Variants in KCNQ1 observed in about 807,000 individuals in gnomAD.
KCNQ1 encodes the protein potassium voltage-gated channel subfamily KQT member 1.
Under a neutral mutation model 72.4 loss-of-function variants are expected in KCNQ1, and 49 were observed. The ratio of observed to expected loss-of-function variants is 0.68; its 90% CI spans 0.54 to 0.86. The LOEUF (loss-of-function observed/expected upper bound fraction) is 0.86, where lower values mean the gene tolerates loss of function less well. KCNQ1 is among the 40% of genes least tolerant of loss of function. KCNQ1 has a pLI of 0.00. For missense variants in KCNQ1, 790 were observed against 945.1 expected, an observed-to-expected ratio of 0.84 and a Z score of 2.15; for synonymous variants, 450 against 412.6, an observed-to-expected ratio of 1.09 and a Z score of -1.10.
rs1846223894 is a variant in KCNQ1 at position 2,458,202 on chromosome 11, G to A, written c.386+12718G>A. Among the ~76,000 whole-genome samples the A allele has an allele frequency of 6.6e-6, 1 of 152,118 alleles. No individual in the cohort carries two copies. The highest frequency in any genetic ancestry group is 1.5e-5 in the Non-Finnish European group (1 of 68,036). On this transcript the variant is annotated intron_variant, in intron 1 of 15. Transcript: ENST00000155840. This position sits in a 1 kb window ranked among gnomAD's most constrained non-coding sequence, Gnocchi z 4.6. ...CCCAAGCTGAAGATGCAGTGGGTAA[G>A]CCTCACTGAAAATAACAGAGGAAGT...
chr11:2,646,800 G>A, intron 10 of KCNQ1: 1 of 398,550 alleles, frequency 2.5e-6, no homozygotes, highest in Non-Finnish European at 4.4e-6. Flanking sequence ...ACAAGCATGA[G>A]CCATCATGTC....
chr11:2,685,638 G>C (rs947092480), intron 11 of KCNQ1: 5 of 398,624 alleles, frequency 1.3e-5, no homozygotes, highest in Admixed American at 4.4e-5. Context: ...TCAGGGTTGA[G>C]GGGACAAGCC....
intron 15 of KCNQ1, among the ~76,000 whole-genome samples, chr11:2,845,215 C>T (rs926850326): frequency 1.3e-5 from 2 of 152,238 alleles, no homozygotes; most frequent in African/African-American, 4.8e-5. Flanking sequence ...GGCCCCGCCC[C>T]ACCCTGCCCT....
rs527321014 is a variant in KCNQ1, at chr11:2,621,763, T to C, written c.1393+32909T>C. On this transcript the variant is annotated intron_variant, in intron 10 of 15. Transcript: ENST00000155840. This position sits in a 1 kb window ranked among gnomAD's most constrained non-coding sequence, Gnocchi z 5.7. ...TTTTCATTTCTGATTTTGTCCTCTT[T>C]CTTAGTCCAAGAGTTTGTTGATTTT... is the stretch of plus-strand genomic sequence containing the variant. The C allele has an allele frequency of 6.0e-4, 238 of 398,390 alleles. 2 individuals carry two copies. The Admixed American group carries it at 0.01, about 17-fold the overall frequency. 24.7% of individuals were successfully genotyped at this position (398,390 alleles called of 1,614,324 possible).
chr11:2,561,216 GAAAA>G (rs956329782), intron 2 of KCNQ1, among the ~76,000 whole-genome samples: 1 of 148,738 alleles, frequency 6.7e-6, no homozygotes. Context: ...AAAAAAAAAA[GAAAA>G]AAAGAAAAAA....
At chr11:2,575,167 C>T (rs1047023204) in intron 6 of KCNQ1, among the ~76,000 whole-genome samples, 3 of 152,194 alleles carry the variant, frequency 2.0e-5, no homozygotes, top group African/African-American at 7.2e-5. Flanking sequence ...ACTCCCCAGC[C>T]CCCCAGCCCG....
In KCNQ1 at chr11:2,674,462, G is replaced by T. The variant is rs1180008934; in HGVS notation, c.1514+12381G>T. ...TGGGGGGAGGCACGTGGGGAGGAGG[G>T]CTGCCTGTCGAGATGTGTAAGATGG... On this transcript the variant is annotated intron_variant, in intron 11 of 15. Transcript: ENST00000155840. This position sits in a 1 kb window ranked among gnomAD's most constrained non-coding sequence, Gnocchi z 5.9. The T allele has an allele frequency of 1.0e-5, 4 of 398,544 alleles. No individual in the cohort carries two copies. The highest frequency in any genetic ancestry group is 1.8e-5 in the Non-Finnish European group (4 of 226,134). 24.7% of individuals were successfully genotyped at this position (398,544 alleles called of 1,614,324 possible). A position where few individuals can be genotyped will look rare whatever the true frequency, so the allele number is the denominator to read the frequency against.
intron 1 of KCNQ1, among the ~76,000 whole-genome samples, chr11:2,487,350 T>C (rs1302312187): frequency 6.6e-6 from 1 of 152,254 alleles, no homozygotes; most frequent in Non-Finnish European, 1.5e-5. Context: ...TGCTTTTGGC[T>C]ATTTTAAGTT....
intron 11 of KCNQ1, chr11:2,684,815 A>C (rs915190574): frequency 5.0e-6 from 2 of 398,530 alleles, no homozygotes; most frequent in Non-Finnish European, 8.8e-6. Context: ...CCAAGGCTTG[A>C]GGTCTCCTAG....
At chr11:2,500,062 C>T (rs1423278263) in intron 1 of KCNQ1, among the ~76,000 whole-genome samples, 1 of 152,094 alleles carries the variant, frequency 6.6e-6, no homozygotes, top group Non-Finnish European at 1.5e-5. Flanking sequence ...ACAATATGCT[C>T]CTGAATGACC....
intron 11 of KCNQ1, chr11:2,684,354 G>A (rs763414882): frequency 2.4e-4 from 95 of 398,602 alleles, no homozygotes; most frequent in Non-Finnish European, 2.5e-4. Flanking sequence ...TTGAGGCCTG[G>A]GACTTGCTGC....
intron 11 of KCNQ1, among the ~76,000 whole-genome samples, chr11:2,718,498 A>G (rs1414584697): frequency 2.0e-5 from 3 of 152,330 alleles, no homozygotes. Flanking sequence ...GATGAACCCC[A>G]GGAATTGGCT....
rs1031798345 is a variant in KCNQ1 at position 2,482,359 on chromosome 11, C to A, written c.386+36875C>A. 1.3e-5 allele frequency among the ~76,000 whole-genome samples: 2 copies of A among 152,192 alleles called. No homozygotes were observed. Among genetic ancestry groups the A allele is most frequent in the Non-Finnish European group, 2.9e-5 (2 of 68,040 alleles). ...TCCTCCAAATGTGACCTTTCAATGG[C>A]TGCCTGGCATTTCCCCTGTGTTATT... On this transcript the variant is annotated intron_variant, in intron 1 of 15. Coordinates refer to ENST00000155840, the MANE Select transcript of KCNQ1 (RefSeq NM_000218.3). The surrounding 1 kb of genome is among the most constrained non-coding windows in gnomAD (Gnocchi z 5.7).
chr11:2,659,538 G>T lies in KCNQ1; in HGVS notation c.1394-2423G>T. The T allele has an allele frequency of 2.5e-6, 1 of 398,492 alleles. No homozygotes were observed. 24.7% of individuals were successfully genotyped at this position (398,492 alleles called of 1,614,324 possible). The stretch of plus-strand genomic sequence containing the variant: ...GACATCTTCATTGTTTCCAGTATTT[G>T]GTAATTATGAGCAGAGTTACTATAC... On this transcript the variant is annotated intron_variant, in intron 10 of 15. Coordinates refer to ENST00000155840, the MANE Select transcript of KCNQ1 (RefSeq NM_000218.3). This position sits in a 1 kb window ranked among gnomAD's most constrained non-coding sequence, Gnocchi z 4.3.
chr11:2,506,550 G>A (rs972465713), intron 1 of KCNQ1, among the ~76,000 whole-genome samples: 11 of 152,222 alleles, frequency 7.2e-5, no homozygotes, highest in African/African-American at 2.7e-4. Flanking sequence ...TTGAAACAAT[G>A]TTGCAAAGAA....
At chr11:2,504,404 GGTATT>G (rs532864027) in intron 1 of KCNQ1, among the ~76,000 whole-genome samples, 5 of 152,082 alleles carry the variant, frequency 3.3e-5, no homozygotes, top group Non-Finnish European at 7.4e-5. Flanking sequence ...ATTAAAACCT[GGTATT>G]TGATAGCACA....
chr11:2,758,325 T>C (rs1010202816), intron 11 of KCNQ1, among the ~76,000 whole-genome samples: 1 of 152,116 alleles, frequency 6.6e-6, no homozygotes, highest in Admixed American at 6.5e-5. Context: ...TTAGCAAAGA[T>C]GGAAATGCAG....
chr11:2,476,927 G>C (rs1846577391), intron 1 of KCNQ1, among the ~76,000 whole-genome samples: 1 of 152,182 alleles, frequency 6.6e-6, no homozygotes. Flanking sequence ...GAGCACAAGT[G>C]ATCCACCCAC....
Position 2,626,827 on chromosome 11 carries a change from C to T in KCNQ1, c.1394-35134C>T, listed in dbSNP as rs1849269783. 2 of 398,468 alleles carry T rather than the reference C, an allele frequency of 5.0e-6. No individual in the cohort carries two copies. The highest frequency in any genetic ancestry group is 1.3e-4 in the South Asian group (1 of 7,852). The allele number at this position is 398,468 out of a possible 1,614,324, so 24.7% of individuals were successfully genotyped here. On this transcript the variant is annotated intron_variant, in intron 10 of 15. Coordinates refer to ENST00000155840, the MANE Select transcript of KCNQ1 (RefSeq NM_000218.3). This position sits in a 1 kb window ranked among gnomAD's most constrained non-coding sequence, Gnocchi z 4.0. Reference sequence around the variant, plus strand: ...ACAGGTGTAGGCCATTGTACCTGGCCTGTAGTAAGTTTTCAAATCAGAAAG... The same window carrying T: ...ACAGGTGTAGGCCATTGTACCTGGCTTGTAGTAAGTTTTCAAATCAGAAAG...
Sources: allele counts gnomAD v4.1 joint callset (sites outside exome capture counted in the v4.1 genomes callset), GRCh38; gene constraint gnomAD v4.1.1; non-coding constraint Gnocchi (gnomAD v3.1); transcripts MANE v1.5; gene names NCBI Gene and HGNC (gene_info 2026-07-23, HGNC 2026-07-21).